LSP1: variants seen among roughly 807,000 people sequenced by gnomAD.
LSP1 encodes the protein lymphocyte specific protein 1.
Under a neutral mutation model 49.3 loss-of-function variants are expected in LSP1, and 32 were observed. The ratio of observed to expected loss-of-function variants is 0.65; its 90% CI spans 0.49 to 0.87. The LOEUF (loss-of-function observed/expected upper bound fraction) is 0.87. Ranked by LOEUF, LSP1 falls within the 40% of genes least tolerant of loss-of-function variation. LSP1 has a pLI of 0.00. For missense variants in LSP1, 428 were observed against 442.6 expected (o/e 0.97, Z 0.30); for synonymous variants, 179 against 178.8 (o/e 1.00, Z -0.01).
At chr11:1,857,331 G>A (rs1215677105) in intron 1 of LSP1, among the ~76,000 whole-genome samples, 4 of 152,214 alleles carry the variant, frequency 2.6e-5, no homozygotes, top group East Asian at 1.9e-4. Context: ...GCTGGGACAG[G>A]CCCTGGCCGG....
At chr11:1,864,191 C>T (rs910869866) in intron 1 of LSP1, 11 of 985,276 alleles carry the variant, frequency 1.1e-5, no homozygotes, top group Admixed American at 1.2e-4. Flanking sequence ...AAGGAGGGGA[C>T]GGGACAAAGA....
At chr11:1,891,084 T>C (rs949997624) in intron 10 of LSP1, 1 of 157,574 alleles carries the variant, frequency 6.3e-6, no homozygotes, top group Non-Finnish European at 1.4e-5. Flanking sequence ...GCGCGTCCGC[T>C]GCGAGCCAGC....
intron 1 of LSP1, chr11:1,866,828 G>C (rs534563533): frequency 1.8e-4 from 274 of 1,549,556 alleles, no homozygotes; most frequent in Non-Finnish European, 1.8e-4. Flanking sequence ...CCCCTGCCTG[G>C]CTGTGCGGTG....
chr11:1,876,403 G>A, intron 1 of LSP1: 1 of 971,566 alleles, frequency 1.0e-6, no homozygotes, highest in Non-Finnish European at 1.2e-6. Flanking sequence ...GGTGTCCAAG[G>A]GACCTGTGGT....
rs1848473311 is a variant in LSP1 at position 1,880,071 on chromosome 11, C to T, written c.54-16C>T. Reference sequence around the variant, plus strand: ...TGTCGGCTGTGGCGTGACTGTCCCTCTGTGTCCCCCACTAGGCCCACTGCT... The same window carrying T: ...TGTCGGCTGTGGCGTGACTGTCCCTTTGTGTCCCCCACTAGGCCCACTGCT... On this transcript the variant is annotated splice_polypyrimidine_tract_variant and intron_variant, in intron 1 of 10. Transcript: ENST00000311604. 1.2e-6 allele frequency: 2 copies of T among 1,606,916 alleles called. No homozygotes were observed. The highest frequency in any genetic ancestry group is 1.7e-6 in the Non-Finnish European group (2 of 1,176,698).
Position 1,886,795 on chromosome 11 carries a change from G to T in LSP1, c.781G>T (p.Ala261Ser). The T allele has an allele frequency of 1.2e-6, 2 of 1,611,940 alleles. No homozygotes were observed. The highest frequency in any genetic ancestry group is 1.7e-6 in the Non-Finnish European group (2 of 1,179,820). The change falls in exon 8 of 11, where the codon GCC becomes TCC. Residue 261 changes from alanine (A) to serine (S), a missense_variant. Ala to Ser is a moderately conservative substitution (Grantham distance 99). Transcript: ENST00000311604. ...CATAGAGCTGCCCAGCATGGCTGTG[G>T]CCAGTACCAAGAGTCGGTGGGAGAC... is the stretch of plus-strand genomic sequence containing the variant. ...ASIELPSMAV[A>S]STKSRWETGE... is the part of the protein sequence containing the mutation.
At chr11:1,871,289 AG>A in intron 1 of LSP1, 3 of 986,226 alleles carry the variant, frequency 3.0e-6, no homozygotes, top group Non-Finnish European at 3.6e-6. Flanking sequence ...ACCCACGAGC[AG>A]GGCGGGGCCC....
intron 1 of LSP1, among the ~76,000 whole-genome samples, chr11:1,869,926 C>G (rs921112323): frequency 6.6e-6 from 1 of 152,098 alleles, no homozygotes; most frequent in Non-Finnish European, 1.5e-5. Flanking sequence ...CCTGCCTGGT[C>G]TTCCCCACAC....
intron 1 of LSP1, chr11:1,870,717 C>T (rs1036934729): frequency 1.6e-5 from 16 of 1,010,866 alleles, no homozygotes; most frequent in East Asian, 9.9e-5. Flanking sequence ...AGGATGGGAG[C>T]GCTTCGGGCA....
At chr11:1,870,904 C>G in intron 1 of LSP1, 1 of 985,892 alleles carries the variant, frequency 1.0e-6, no homozygotes, top group African/African-American at 1.7e-5. Context: ...CCCAGCTGGC[C>G]CAGGCGCCGC....
rs1159048599 is a variant in LSP1, at chr11:1,886,814, G to A, written c.800G>A (p.Trp267Ter). The A allele has an allele frequency of 4.6e-5, 74 of 1,611,872 alleles. No homozygotes were observed. Among genetic ancestry groups the A allele is most frequent in the Non-Finnish European group, 6.1e-5 (72 of 1,179,822 alleles). The part of the protein sequence containing the change: ...SMAVASTKSR[W>*]ETGEVQAQSA... Reference sequence around the variant, plus strand: ...GCTGTGGCCAGTACCAAGAGTCGGTGGGAGACGGGTGAGGTACAGGCTCAG... The same window carrying A: ...GCTGTGGCCAGTACCAAGAGTCGGTAGGAGACGGGTGAGGTACAGGCTCAG... Residue 267 changes from tryptophan (W) to a stop codon, truncating the protein, a stop_gained, in exon 8 of 11, where the codon TGG (tryptophan) becomes TAG (stop). Transcript: ENST00000311604. LOFTEE classifies it high-confidence loss of function.
At chr11:1,857,386 C>T (rs890418677) in intron 1 of LSP1, among the ~76,000 whole-genome samples, 1 of 152,206 alleles carries the variant, frequency 6.6e-6, no homozygotes, top group African/African-American at 2.4e-5. Context: ...CTCCGCTACC[C>T]TACGGGCCAG....
At chr11:1,887,416 GCA>G (rs1469259629) in intron 9 of LSP1, 56 bp from the exon 10 acceptor site, 3 of 1,580,400 alleles carry the variant, frequency 1.9e-6, no homozygotes, top group Non-Finnish European at 2.6e-6. Flanking sequence ...AGAGGCGGAG[GCA>G]GCATCATCTC....
chr11:1,886,697 A>G (rs1270781427), intron 7 of LSP1, 35 bp from the exon 8 acceptor site: 1 of 1,581,144 alleles, frequency 6.3e-7, no homozygotes, highest in Admixed American at 1.7e-5. Context: ...GTGGCTGTCC[A>G]CTAAGGTAAT....
At chr11:1,891,643 T>C (rs1589838103) in intron 10 of LSP1, 130 bp from the exon 11 acceptor site, 1 of 153,554 alleles carries the variant, frequency 6.5e-6, no homozygotes, top group Non-Finnish European at 1.4e-5. Context: ...GGAGTGGGGG[T>C]GTGGGCAGGG....
intron 1 of LSP1, chr11:1,865,053 G>T: frequency 3.9e-6 from 1 of 255,628 alleles, no homozygotes; most frequent in Non-Finnish European, 6.2e-6. Context: ...AGGAGAGGCA[G>T]GAAAGCCAAG....
rs146854428 is a variant in LSP1 at position 1,878,277 on chromosome 11, G to A, written c.54-1810G>A. 1.5e-4 allele frequency among the ~76,000 whole-genome samples: 23 copies of A among 152,256 alleles called. No homozygotes were observed. In the East Asian group the frequency reaches 3.9e-3, roughly 26 times the overall value. On this transcript the variant is annotated intron_variant, in intron 1 of 10. Coordinates refer to ENST00000311604, the MANE Select transcript of LSP1 (RefSeq NM_002339.3). ...GAGGGGCTGGGGCGTGAGTGAGCAC[G>A]AGGGCCCCTGCGCCCCAGGCTCTGC...
At chr11:1,886,570 A>G (rs1177535315) in intron 7 of LSP1, among the ~76,000 whole-genome samples, 162 bp from the exon 8 acceptor site, 1 of 152,244 alleles carries the variant, frequency 6.6e-6, no homozygotes, top group Non-Finnish European at 1.5e-5. Context: ...CATCGAATGG[A>G]GGAAGGCTCA....
rs1467387790 is a variant in LSP1, at chr11:1,880,239, A to T, written c.191+15A>T. ...CAGGAGATGCTGTGAGCAGCCCCAT[A>T]ACGCGTGCCTGGGCTCTAGCCCCTA... On this transcript the variant is annotated intron_variant, in intron 2 of 10. Coordinates refer to ENST00000311604, the MANE Select transcript of LSP1 (RefSeq NM_002339.3). 1 of 1,569,860 alleles carries T rather than the reference A, an allele frequency of 6.4e-7. No individual in the cohort carries two copies. The highest frequency in any genetic ancestry group is 1.8e-5 in the Admixed American group (1 of 54,876).
Sources: allele counts gnomAD v4.1 joint callset (sites outside exome capture counted in the v4.1 genomes callset), GRCh38; gene constraint gnomAD v4.1.1; transcripts MANE v1.5; gene names NCBI Gene and HGNC (gene_info 2026-07-23, HGNC 2026-07-21).